Variants in IL1RAPL2 observed in about 807,000 individuals in gnomAD.
The protein encoded by IL1RAPL2 is X-linked interleukin-1 receptor accessory protein-like 2.
Under a neutral mutation model 44.1 loss-of-function variants are expected in IL1RAPL2, and 3 were observed. The observed-to-expected ratio is 0.07, with a 90% CI of 0.03 to 0.18. The LOEUF (loss-of-function observed/expected upper bound fraction) is 0.18. IL1RAPL2 is among the 10% of genes least tolerant of loss of function. The pLI is 1.00. For synonymous variants in IL1RAPL2, 181 were observed against 178.8 expected (o/e 1.01, Z -0.10); for missense variants, 391 against 496.4 (o/e 0.79, Z 2.02).
intron 5 of IL1RAPL2, among the ~76,000 whole-genome samples, chrX:105,366,393 CTG>C (rs2035295383): frequency 1.8e-5 from 2 of 108,833 alleles, no homozygotes; most frequent in African/African-American, 6.7e-5. Context: ...TTTCTTCTTT[CTG>C]CTAAGTTTGG....
rs564791408 is a variant in IL1RAPL2, at chrX:105,479,166, G to C, written c.698-5147G>C. Among the ~76,000 whole-genome samples the C allele has an allele frequency of 8.1e-5, 9 of 111,312 alleles. No homozygotes were observed. In the South Asian group the frequency reaches 1.9e-3, roughly 23 times the overall value. On this transcript the variant is annotated intron_variant, in intron 5 of 10. Coordinates refer to ENST00000372582, the MANE Select transcript of IL1RAPL2 (RefSeq NM_017416.2). ...AGGGGGAGGTCTTAGAGTATTGTGGGCCTGGTGAAATCAGACAGAACTCAA... is the reference window on the plus strand; with the variant it reads ...AGGGGGAGGTCTTAGAGTATTGTGGCCCTGGTGAAATCAGACAGAACTCAA...
intron 1 of IL1RAPL2, among the ~76,000 whole-genome samples, chrX:104,639,058 A>G (rs1041845014): frequency 5.4e-5 from 6 of 112,116 alleles, no homozygotes; most frequent in African/African-American, 1.3e-4. Context: ...ATACATGTTC[A>G]TAATAGTTAT....
intron 6 of IL1RAPL2, among the ~76,000 whole-genome samples, chrX:105,625,564 T>C (rs2037447436): frequency 8.9e-6 from 1 of 112,146 alleles, no homozygotes; most frequent in African/African-American, 3.2e-5. Context: ...TTCTAACTGC[T>C]GAACTCATTC....
intron 2 of IL1RAPL2, among the ~76,000 whole-genome samples, chrX:104,891,263 G>T (rs1381748390): frequency 8.9e-6 from 1 of 111,832 alleles, no homozygotes; most frequent in Admixed American, 9.5e-5. Flanking sequence ...TTTGGCTTGG[G>T]ATTGTCTTGG....
At chrX:105,162,832 C>T (rs2033338207) in intron 2 of IL1RAPL2, among the ~76,000 whole-genome samples, 1 of 111,726 alleles carries the variant, frequency 9.0e-6, no homozygotes, top group Admixed American at 9.6e-5. Context: ...TGGTGAGGGT[C>T]TGTTCTTCCC....
At chrX:104,863,146 A>G (rs751047791) in intron 2 of IL1RAPL2, among the ~76,000 whole-genome samples, 14 of 111,811 alleles carry the variant, frequency 1.3e-4, no homozygotes, top group African/African-American at 4.5e-4. Context: ...TACACTTATT[A>G]ATTTTCTGTA....
chrX:105,171,026 AGTT>A (rs1482768182), intron 2 of IL1RAPL2, among the ~76,000 whole-genome samples: 2 of 111,190 alleles, frequency 1.8e-5, no homozygotes, highest in Non-Finnish European at 3.8e-5. Flanking sequence ...TCCTTCATGG[AGTT>A]GTTGAGCCAG....
chrX:105,587,540 T>C (rs984086163), intron 6 of IL1RAPL2, among the ~76,000 whole-genome samples: 2 of 111,819 alleles, frequency 1.8e-5, no homozygotes, highest in African/African-American at 6.5e-5. Flanking sequence ...TATTCTGTTG[T>C]TTCTTTTCTA....
rs34524314 is a variant in IL1RAPL2 at position 104,931,947 on chromosome X, A to AGTGTGTGTGT, written c.83-263509_83-263500dup. ...ACTCACAGATATGTGGGAAACTATG[A>AGTGTGTGTGT]GTGTGTGTGTGTGTGTGTGTGTGTG... is the stretch of plus-strand genomic sequence containing the variant. On this transcript the variant is annotated intron_variant, in intron 2 of 10. Coordinates refer to ENST00000372582, the MANE Select transcript of IL1RAPL2 (RefSeq NM_017416.2). Among the ~76,000 whole-genome samples the AGTGTGTGTGT allele has an allele frequency of 7.8e-4, 69 of 88,994 alleles. No homozygotes were observed. In the East Asian group the frequency reaches 0.015, roughly 20 times the overall value. The allele number at this position is 88,994 out of a possible 115,157, so 77.3% of individuals were successfully genotyped here. A position where few individuals can be genotyped will look rare whatever the true frequency, so the allele number is the denominator to read the frequency against.
At chrX:104,626,451 A>C (rs1378863383) in intron 1 of IL1RAPL2, among the ~76,000 whole-genome samples, 4 of 110,570 alleles carry the variant, frequency 3.6e-5, no homozygotes, top group African/African-American at 9.9e-5. Flanking sequence ...GGTAGCCCCA[A>C]ATAAATATGA....
chrX:105,692,637 G>C (rs1238625700), intron 6 of IL1RAPL2, among the ~76,000 whole-genome samples: 3 of 104,765 alleles, frequency 2.9e-5, no homozygotes, highest in Non-Finnish European at 5.8e-5. Flanking sequence ...AATGATGCAG[G>C]GGCACACATT....
intron 2 of IL1RAPL2, among the ~76,000 whole-genome samples, chrX:104,659,664 G>T (rs996968326): frequency 7.1e-5 from 8 of 111,980 alleles, no homozygotes; most frequent in African/African-American, 2.3e-4. Flanking sequence ...TACAAACTTT[G>T]CATGAGATTT....
intron 2 of IL1RAPL2, among the ~76,000 whole-genome samples, chrX:104,709,926 A>C (rs1416192168): frequency 1.8e-5 from 2 of 110,926 alleles, no homozygotes; most frequent in Non-Finnish European, 3.8e-5. Flanking sequence ...ATGGAAATTA[A>C]AAAAAGCAGT....
chrX:105,678,534 G>T (rs1271793928), intron 6 of IL1RAPL2, among the ~76,000 whole-genome samples: 3 of 103,407 alleles, frequency 2.9e-5, no homozygotes, highest in Non-Finnish European at 5.9e-5. Flanking sequence ...CCACCCTTCT[G>T]CTCAGATGAA....
At chrX:104,595,142 A>G (rs1026836509) in intron 1 of IL1RAPL2, among the ~76,000 whole-genome samples, 1 of 111,903 alleles carries the variant, frequency 8.9e-6, no homozygotes, top group Non-Finnish European at 1.9e-5. Flanking sequence ...GCAGTGGTCC[A>G]GGAGAGAGAT....
chrX:105,630,303 T>G (rs940906417), intron 6 of IL1RAPL2, among the ~76,000 whole-genome samples: 6 of 111,486 alleles, frequency 5.4e-5, no homozygotes, highest in African/African-American at 2.0e-4. Flanking sequence ...TACTTACTAG[T>G]GCAGGCACCC....
intron 2 of IL1RAPL2, among the ~76,000 whole-genome samples, chrX:105,157,805 G>C (rs776647303): frequency 8.9e-6 from 1 of 112,268 alleles, no homozygotes; most frequent in East Asian, 2.8e-4. Flanking sequence ...TCAGGAATTA[G>C]TCAGCAAGTA....
At chrX:105,718,275 A>G (rs1478190121) in intron 7 of IL1RAPL2, among the ~76,000 whole-genome samples, 1 of 112,009 alleles carries the variant, frequency 8.9e-6, no homozygotes, top group Non-Finnish European at 1.9e-5. Context: ...AAATTTCAGT[A>G]TAACTAATGT....
intron 2 of IL1RAPL2, among the ~76,000 whole-genome samples, chrX:104,846,858 G>A (rs1922066045): frequency 8.9e-6 from 1 of 111,806 alleles, no homozygotes; most frequent in South Asian, 3.7e-4. Context: ...TCCAGCACCT[G>A]TTGTTTCCTG....
Sources: allele counts gnomAD v4.1 joint callset (sites outside exome capture counted in the v4.1 genomes callset), GRCh38; gene constraint gnomAD v4.1.1; transcripts MANE v1.5; gene names NCBI Gene and HGNC (gene_info 2026-07-23, HGNC 2026-07-21).